The following ATP10D variants were observed in gnomAD, a reference collection of about 807,000 sequenced individuals.
ATP10D encodes the protein phospholipid-transporting ATPase VD.
Under a neutral mutation model 144.8 loss-of-function variants are expected in ATP10D, and 89 were observed. The observed-to-expected ratio is 0.61, with a 90% CI of 0.52 to 0.73. The LOEUF is 0.73. ATP10D is among the 30% of genes least tolerant of loss of function. The pLI, the probability that ATP10D is intolerant of heterozygous loss-of-function variation, is 0.00. For missense variants in ATP10D, 1,603 were observed against 1,714.8 expected (o/e 0.93, Z 1.15); for synonymous variants, 571 against 615.1 (o/e 0.93, Z 1.06).
At chr4:47,532,205 C>T (rs1001499255) in intron 5 of ATP10D, among the ~76,000 whole-genome samples, 2 of 152,148 alleles carry the variant, frequency 1.3e-5, no homozygotes, top group African/African-American at 4.8e-5. Context: ...TTAATAGACA[C>T]ATTCGAGCAT....
intron 20 of ATP10D, among the ~76,000 whole-genome samples, chr4:47,581,047 AG>A (rs1720490403): frequency 6.6e-6 from 1 of 152,158 alleles, no homozygotes; most frequent in Admixed American, 6.5e-5. Context: ...TAGACAACAG[AG>A]TGAGACCCTG....
At chr4:47,487,878 C>T (rs1459483861) in intron 1 of ATP10D, among the ~76,000 whole-genome samples, 1 of 152,112 alleles carries the variant, frequency 6.6e-6, no homozygotes, top group Non-Finnish European at 1.5e-5. Flanking sequence ...CACAGTGGCT[C>T]ATGCTTGTAA....
chr4:47,491,883 T>C (rs952203799), intron 1 of ATP10D, among the ~76,000 whole-genome samples: 4 of 152,200 alleles, frequency 2.6e-5, no homozygotes, highest in Non-Finnish European at 5.9e-5. Context: ...TAAATTCATA[T>C]ACTGCATGAT....
chr4:47,581,881 G>A (rs115480413), intron 20 of ATP10D, 79 bp from the exon 21 acceptor site: 12 of 1,140,286 alleles, frequency 1.1e-5, no homozygotes, highest in African/African-American at 1.5e-5. Flanking sequence ...TCAAGCCTTG[G>A]TTGAGCTGTA....
chr4:47,498,388 T>C (rs1001896014), intron 1 of ATP10D, among the ~76,000 whole-genome samples: 1 of 152,194 alleles, frequency 6.6e-6, no homozygotes, highest in Non-Finnish European at 1.5e-5. Flanking sequence ...TATTAGCAAA[T>C]GTCCTAGGGG....
At chr4:47,544,020 A>G (rs938163858) in intron 9 of ATP10D, among the ~76,000 whole-genome samples, 7 of 149,690 alleles carry the variant, frequency 4.7e-5, no homozygotes, top group African/African-American at 1.7e-4. Context: ...CATTGAAATT[A>G]AGCAGGGGAT....
intron 1 of ATP10D, among the ~76,000 whole-genome samples, chr4:47,508,028 C>G (rs1012444823): frequency 6.6e-6 from 1 of 152,152 alleles, no homozygotes; most frequent in Non-Finnish European, 1.5e-5. Flanking sequence ...TTCATAGACC[C>G]CATTCCAGAT....
chr4:47,523,647 A>G (rs937539374), intron 4 of ATP10D, among the ~76,000 whole-genome samples: 8 of 152,176 alleles, frequency 5.3e-5, no homozygotes, highest in African/African-American at 1.7e-4. Context: ...AGTTATATTG[A>G]CATAGGTTTA....
chr4:47,576,629 G>T, intron 18 of ATP10D, 144 bp from the exon 19 acceptor site: 1 of 731,516 alleles, frequency 1.4e-6, no homozygotes, highest in South Asian at 1.7e-5. Flanking sequence ...AAAAAAAGCT[G>T]CAAGGTAAAT....
At chr4:47,580,967 G>GT (rs1323675782) in intron 20 of ATP10D, among the ~76,000 whole-genome samples, 1 of 152,168 alleles carries the variant, frequency 6.6e-6, no homozygotes. Context: ...GGAGGCTGAG[G>GT]TAGGAGGATT....
chr4:47,572,074 G>A, intron 16 of ATP10D, 80 bp from the exon 17 acceptor site: 4 of 1,241,348 alleles, frequency 3.2e-6, no homozygotes, highest in Non-Finnish European at 4.7e-6. Flanking sequence ...GTTCACTTGA[G>A]CTGCCCCTAT....
Position 47,591,323 on chromosome 4 carries a change from G to A in ATP10D, c.4223G>A (p.Gly1408Asp). The change falls in exon 23 of 23, where the codon GGC (glycine) becomes GAC (aspartate). Residue 1408 changes from glycine (G) to aspartate (D), a missense_variant. Physicochemically the swap from Gly to Asp is moderately conservative, Grantham distance 94. Transcript: ENST00000273859. ...LSLCETALDQGYSETKAFEMA... is the reference protein window; with the variant it reads ...LSLCETALDQDYSETKAFEMA... ...CTGTGTGAAACTGCTTTAGATCAAG[G>A]CTACTCTGAAACTAAGGCCTTTGAG... 6.2e-7 allele frequency: 1 copy of A among 1,612,486 alleles called. No homozygotes were observed. Among genetic ancestry groups the A allele is most frequent in the South Asian group, 1.1e-5 (1 of 91,044 alleles).
intron 9 of ATP10D, among the ~76,000 whole-genome samples, chr4:47,538,906 A>G (rs1043038359): frequency 6.6e-6 from 1 of 152,196 alleles, no homozygotes; most frequent in Non-Finnish European, 1.5e-5. Flanking sequence ...TAAAGGACTA[A>G]CCTAATGAGA....
chr4:47,583,258 A>G (rs116472763), intron 21 of ATP10D: 62 of 152,362 alleles, frequency 4.1e-4, no homozygotes, highest in African/African-American at 1.4e-3. Context: ...GTGTTAAAGG[A>G]CAAGACTGAC....
chr4:47,510,241 G>A (rs1022298468), intron 1 of ATP10D, among the ~76,000 whole-genome samples: 1 of 152,044 alleles, frequency 6.6e-6, no homozygotes, highest in African/African-American at 2.4e-5. Flanking sequence ...TCACTTTTCA[G>A]GAGAATGACA....
At chr4:47,552,793 A>T (rs184093361) in intron 10 of ATP10D, among the ~76,000 whole-genome samples, 3 of 152,320 alleles carry the variant, frequency 2.0e-5, no homozygotes, top group Admixed American at 2.0e-4. Context: ...AATCACTATT[A>T]GCTTCTATGG....
intron 10 of ATP10D, among the ~76,000 whole-genome samples, chr4:47,553,019 G>T (rs1718801054): frequency 6.6e-6 from 1 of 152,196 alleles, no homozygotes; most frequent in African/African-American, 2.4e-5. Context: ...AACATTCAGA[G>T]AAGGATGCCA....
intron 1 of ATP10D, among the ~76,000 whole-genome samples, chr4:47,494,185 T>C (rs1440681334): frequency 6.6e-6 from 1 of 152,210 alleles, no homozygotes; most frequent in African/African-American, 2.4e-5. Context: ...ACTAAACTTT[T>C]GTGCAAATGT....
Position 47,558,172 on chromosome 4 carries a change from G to A in ATP10D, c.2333G>A (p.Arg778Lys). 4 of 1,614,172 alleles carry A rather than the reference G, an allele frequency of 2.5e-6. No homozygotes were observed. Among genetic ancestry groups the A allele is most frequent in the Non-Finnish European group, 3.4e-6 (4 of 1,180,040 alleles). ...HILPFDSVRK[R>K]MSVVVRHPLS... Reference sequence around the variant, plus strand: ...CTGCCCTTTGACTCAGTAAGAAAAAGAATGTCTGTTGTGGTCCGACACCCT... The same window carrying A: ...CTGCCCTTTGACTCAGTAAGAAAAAAAATGTCTGTTGTGGTCCGACACCCT... Residue 778 changes from arginine to lysine, a missense_variant, in exon 12 of 23, where the codon AGA becomes AAA. By Grantham distance (26) the Arg-to-Lys change is conservative (BLOSUM62 2). Transcript: ENST00000273859.
Sources: allele counts gnomAD v4.1 joint callset (sites outside exome capture counted in the v4.1 genomes callset), GRCh38; gene constraint gnomAD v4.1.1; transcripts MANE v1.5; gene names NCBI Gene and HGNC (gene_info 2026-07-23, HGNC 2026-07-21).